Variants in ZCCHC2 observed in about 807,000 individuals in gnomAD.
ZCCHC2 encodes zinc finger CCHC-type containing 2.
Under a neutral mutation model 103.6 loss-of-function variants are expected in ZCCHC2, and 39 were observed. The observed-to-expected ratio is 0.38, with a 90% CI of 0.29 to 0.49. The LOEUF (loss-of-function observed/expected upper bound fraction) is 0.49, where lower values mean the gene tolerates loss of function less well. Ranked by LOEUF, ZCCHC2 falls within the 20% of genes least tolerant of loss-of-function variation. ZCCHC2 has a pLI of 0.96. For synonymous variants in ZCCHC2, 687 were observed against 608.9 expected, an observed-to-expected ratio of 1.13 and a Z score of -1.89; for missense variants, 1,483 against 1,491.0, an observed-to-expected ratio of 0.99 and a Z score of 0.09.
chr18:62,557,695 A>T (rs770960719), intron 6 of ZCCHC2, among the ~76,000 whole-genome samples: 14 of 152,208 alleles, frequency 9.2e-5, no homozygotes, highest in Non-Finnish European at 1.8e-4. Flanking sequence ...TATCAATAGC[A>T]TCAGTTTAGT....
intron 1 of ZCCHC2, among the ~76,000 whole-genome samples, chr18:62,527,162 T>C (rs1384401129): frequency 6.6e-6 from 1 of 152,174 alleles, no homozygotes. Flanking sequence ...AAAGTTAGCA[T>C]CTTTTTAATT....
rs1020614076 is a variant in ZCCHC2, at chr18:62,524,090, C to T, written c.666C>T (p.Gly222=). ...GGGGCGGCGCGGAGGACGAGCGCGG[C>T]GAGGACGGCGACGGCGAGCAGGACG... ...GSRGGAEDER[G]EDGDGEQDAE... Residue 222 remains glycine (G), a synonymous_variant, in exon 1 of 14, where the codon GGC becomes GGT. Coordinates refer to ENST00000269499, the MANE Select transcript of ZCCHC2 (RefSeq NM_017742.6). 2 of 1,515,046 alleles carry T rather than the reference C, an allele frequency of 1.3e-6. No homozygotes were observed. Among genetic ancestry groups the T allele is most frequent in the South Asian group, 1.2e-5 (1 of 81,454 alleles). 93.9% of individuals were successfully genotyped at this position (1,515,046 alleles called of 1,614,324 possible).
intron 2 of ZCCHC2, among the ~76,000 whole-genome samples, chr18:62,541,276 A>G (rs1262205355): frequency 6.6e-6 from 1 of 152,208 alleles, no homozygotes; most frequent in East Asian, 1.9e-4. Flanking sequence ...GCCCACAAGC[A>G]GGCCACCAAA....
chr18:62,547,023 A>G (rs1248420437), intron 4 of ZCCHC2, among the ~76,000 whole-genome samples: 2 of 151,864 alleles, frequency 1.3e-5, no homozygotes, highest in Admixed American at 1.3e-4. Flanking sequence ...TTTTAACATC[A>G]TCTACAAAAG....
intron 8 of ZCCHC2, among the ~76,000 whole-genome samples, chr18:62,562,049 T>C (rs991982800): frequency 2.0e-5 from 3 of 152,140 alleles, no homozygotes; most frequent in African/African-American, 7.2e-5. Flanking sequence ...CAGGCTGGAG[T>C]GCAGTGGCGC....
chr18:62,544,986 A>C, intron 4 of ZCCHC2, 113 bp downstream of exon 4: 1 of 838,598 alleles, frequency 1.2e-6, no homozygotes, highest in Non-Finnish European at 1.8e-6. Flanking sequence ...AGGTTGGCTC[A>C]GAACTCTAAA....
rs375710394 is a variant in ZCCHC2, at chr18:62,560,634, C to T, written c.1540C>T (p.Pro514Ser). The change falls in exon 8 of 14, where the codon CCC (proline) becomes TCC (serine). Residue 514 changes from proline to serine, a missense_variant. Pro to Ser is a moderately conservative substitution (Grantham distance 74, BLOSUM62 -1). Transcript: ENST00000269499. ...CCACAAGAAGCATACTGGGAAAAGT[C>T]CCATTGTGAAGTAAGTATCCTCTTT... ...IIHKKHTGKSPIVNNIGTSCS... is the reference protein window; with the variant it reads ...IIHKKHTGKSSIVNNIGTSCS... 235 of 1,612,846 alleles carry T rather than the reference C, an allele frequency of 1.5e-4. No individual in the cohort carries two copies. The highest frequency in any genetic ancestry group is 2.0e-4 in the Non-Finnish European group (230 of 1,179,210).
intron 1 of ZCCHC2, chr18:62,527,026 C>CCCCCCCCCCCG (rs56300716): frequency 2.7e-5 from 1 of 36,578 alleles, no homozygotes; most frequent in Non-Finnish European, 5.4e-5. Context: ...CCCCCCCCCC[C>CCCCCCCCCCCG]CCCGAAAGTA....
chr18:62,563,997 G>T (rs571860630), intron 9 of ZCCHC2, among the ~76,000 whole-genome samples: 19 of 152,306 alleles, frequency 1.2e-4, no homozygotes, highest in African/African-American at 3.8e-4. Context: ...AGTATGGAAT[G>T]AAACTTCTCT....
At chr18:62,558,327 C>T (rs900780133) in intron 6 of ZCCHC2, among the ~76,000 whole-genome samples, 3 of 152,148 alleles carry the variant, frequency 2.0e-5, no homozygotes, top group African/African-American at 4.8e-5. Context: ...ACAAAAGTAA[C>T]GATCCACAGC....
rs138709000 is a variant in ZCCHC2, at chr18:62,565,813, A to T, written c.1846+717A>T. Among the ~76,000 whole-genome samples the T allele has an allele frequency of 3.9e-4, 60 of 152,360 alleles. No individual in the cohort carries two copies. In the East Asian group the frequency reaches 4.4e-3, roughly 11 times the overall value. ...GATTGTTAATTTAAATGTTATTCTAATATTAGTACATTCAGTTGTGATGTA... is the reference window on the plus strand; with the variant it reads ...GATTGTTAATTTAAATGTTATTCTATTATTAGTACATTCAGTTGTGATGTA... On this transcript the variant is annotated intron_variant, in intron 11 of 13. Transcript: ENST00000269499.
chr18:62,543,604 C>T (rs1316330461), intron 3 of ZCCHC2, among the ~76,000 whole-genome samples: 1 of 152,166 alleles, frequency 6.6e-6, no homozygotes, highest in Non-Finnish European at 1.5e-5. Flanking sequence ...TGTCCTCTTG[C>T]CTGAAATGCT....
At position 62,550,377 on chromosome 18, in the gene ZCCHC2, T is replaced by G. The variant is rs200012607; in HGVS notation, c.1230T>G (p.Phe410Leu). 1 of 1,613,860 alleles carries G rather than the reference T, an allele frequency of 6.2e-7. No individual in the cohort carries two copies. The highest frequency in any genetic ancestry group is 1.1e-5 in the South Asian group (1 of 91,014). ...CAAAGGAACTGTCTTCAGAGACTTT[T>G]GACAAGACCATCTTAAGAGCCCTGA... ...KLPKELSSET[F>L]DKTILRALNQ... Residue 410 changes from phenylalanine (F) to leucine (L), a missense_variant, in exon 5 of 14, where the codon TTT becomes TTG. Coordinates refer to ENST00000269499, the MANE Select transcript of ZCCHC2 (RefSeq NM_017742.6).
At chr18:62,582,536 G>A (rs916639346), downstream of ZCCHC2, among the ~76,000 whole-genome samples, 3 of 152,060 alleles carry the variant, frequency 2.0e-5, no homozygotes, top group Admixed American at 6.5e-5. Context: ...AAACTTAGCC[G>A]GGCATGGTGG....
chr18:62,554,945 G>A (rs1205683554), intron 5 of ZCCHC2, among the ~76,000 whole-genome samples: 2 of 152,192 alleles, frequency 1.3e-5, no homozygotes, highest in African/African-American at 4.8e-5. Context: ...GTATATTAAT[G>A]ATTTTATAAT....
At chr18:62,549,582 TAG>T in intron 4 of ZCCHC2, among the ~76,000 whole-genome samples, 2 of 152,236 alleles carry the variant, frequency 1.3e-5, no homozygotes, top group African/African-American at 4.8e-5. Context: ...TAGGACAGAT[TAG>T]TTATCAAAAG....
intron 4 of ZCCHC2, among the ~76,000 whole-genome samples, chr18:62,549,295 C>T (rs1321772058): frequency 6.6e-6 from 1 of 152,114 alleles, no homozygotes; most frequent in South Asian, 2.1e-4. Context: ...TGTAGAATGC[C>T]GACAGAGTCT....
chr18:62,562,620 C>G (rs1916172267), intron 8 of ZCCHC2, among the ~76,000 whole-genome samples: 1 of 152,094 alleles, frequency 6.6e-6, no homozygotes, highest in Non-Finnish European at 1.5e-5. Context: ...GCCTATTTCT[C>G]TTGTCTGTTT....
chr18:62,524,443 C>T (rs1024753140), intron 1 of ZCCHC2, 80 bp downstream of exon 1: 2 of 1,408,962 alleles, frequency 1.4e-6, no homozygotes, highest in Admixed American at 3.2e-5. Flanking sequence ...TCGGACGCCC[C>T]TTGCCCGAGC....
Sources: gnomAD v4.1 joint callset for allele counts (sites outside exome capture counted in the v4.1 genomes callset) on GRCh38, gnomAD v4.1.1 for gene constraint, MANE v1.5 for transcripts, NCBI Gene and HGNC (gene_info 2026-07-23, HGNC 2026-07-21) for gene names.